Variants in LOXL4 observed in about 807,000 individuals in gnomAD.
LOXL4 encodes lysyl oxidase like 4.
Under a neutral mutation model 89.1 loss-of-function variants are expected in LOXL4, and 72 were observed. That is an observed-to-expected ratio of 0.81 (90% CI 0.67 to 0.98). LOXL4 has a LOEUF of 0.98. LOXL4 is among the 50% of genes least tolerant of loss of function. The probability of loss-of-function intolerance (pLI) is 0.00; values close to 1 mark genes in which losing one functional copy is unlikely to be tolerated. For synonymous variants in LOXL4, 355 were observed against 392.1 expected (o/e 0.91, Z 1.12); for missense variants, 984 against 1,017.5 (o/e 0.97, Z 0.45).
intron 5 of LOXL4, 71 bp downstream of exon 5, chr10:98,259,320 G>A: frequency 8.9e-6 from 14 of 1,571,756 alleles, no homozygotes; most frequent in African/African-American, 1.3e-5. Flanking sequence ...GGAAGGGGAG[G>A]GTAGGGGATG....
Position 98,259,402 on chromosome 10 carries a change from G to T in LOXL4, c.690C>A (p.Asp230Glu), listed in dbSNP as rs933743419. The T allele has an allele frequency of 4.3e-6, 7 of 1,613,172 alleles. No homozygotes were observed. Among genetic ancestry groups the T allele is most frequent in the South Asian group, 2.2e-5 (2 of 90,918 alleles). The change falls in exon 5 of 15, where the codon GAC (aspartate) becomes GAA (glutamate). Residue 230 changes from aspartate (D) to glutamate (E), a missense_variant. Asp to Glu is a conservative substitution (Grantham distance 45). Transcript: ENST00000260702. ...GTGCTGCTCCTCACCTAGACTTAGG[G>T]TCCCTCATCTTCAGATCCCAGACTT... Reference protein sequence around the residue: ...YRKVWDLKMRDPKSRLKSLTN... With the variant: ...YRKVWDLKMREPKSRLKSLTN...
chr10:98,259,465 G>A (rs1397123035), intron 4 of LOXL4, 36 bp from the exon 5 acceptor site: 2 of 1,600,792 alleles, frequency 1.2e-6, no homozygotes, highest in Admixed American at 1.7e-5. Context: ...GGTGGAAGGG[G>A]TGTGGAAGTC....
chr10:98,267,566 G>A (rs1858711909), intron 1 of LOXL4, among the ~76,000 whole-genome samples: 1 of 152,168 alleles, frequency 6.6e-6, no homozygotes, highest in South Asian at 2.1e-4. Context: ...CAGCCCTGTA[G>A]CCTCCCCGGG....
At chr10:98,249,569 TC>T (rs1331607614) in intron 14 of LOXL4, among the ~76,000 whole-genome samples, 1 of 152,212 alleles carries the variant, frequency 6.6e-6, no homozygotes, top group East Asian at 1.9e-4. Context: ...GTCTCAACAC[TC>T]CTTGTTTTCT....
In LOXL4 at chr10:98,251,156, A is replaced by G; in HGVS notation, c.2109T>C (p.Tyr703=). 1 of 1,613,556 alleles carries G rather than the reference A, an allele frequency of 6.2e-7. No individual in the cohort carries two copies. The highest frequency in any genetic ancestry group is 1.7e-5 in the Admixed American group (1 of 60,010). ...TGGAGAAATCTGACTCTGCCACTTC[A>G]TAGTGGGGGTTCACAATCACCTAGA... ...YIFQVIVNPH[Y]EVAESDFSNN... The change falls in exon 14 of 15, where the codon TAT becomes TAC. Residue 703 remains tyrosine (Y), a synonymous_variant. Transcript: ENST00000260702.
At chr10:98,249,036 T>C in intron 14 of LOXL4, 45 bp from the exon 15 acceptor site, 1 of 1,501,186 alleles carries the variant, frequency 6.7e-7, no homozygotes, top group Non-Finnish European at 9.2e-7. Flanking sequence ...CTTTCCAGTC[T>C]CATCCCTTCC....
At chr10:98,263,475 G>A (rs1466300464) in intron 1 of LOXL4, among the ~76,000 whole-genome samples, 4 of 150,890 alleles carry the variant, frequency 2.7e-5, no homozygotes, top group Non-Finnish European at 5.9e-5. Context: ...CACCATTTGA[G>A]TCACGGGGAT....
Position 98,257,667 on chromosome 10 carries a change from T to C in LOXL4, c.1243A>G (p.Met415Val). The change falls in exon 8 of 15, where the codon ATG becomes GTG. Residue 415 changes from methionine to valine, a missense_variant. Transcript: ENST00000260702. ...AAACTCACCTGATTCTGAAAGCCCA[T>C]GTTAGGGACATTGCACCTGACAGCA... ...DAAVRCNVPN[M>V]GFQNQVRLAG... The C allele has an allele frequency of 2.5e-6, 4 of 1,613,870 alleles. No individual in the cohort carries two copies. Among genetic ancestry groups the C allele is most frequent in the Non-Finnish European group, 3.4e-6 (4 of 1,179,898 alleles).
intron 10 of LOXL4, 72 bp from the exon 11 acceptor site, chr10:98,253,868 G>T: frequency 6.3e-7 from 1 of 1,588,598 alleles, no homozygotes; most frequent in South Asian, 1.1e-5. Flanking sequence ...CAGCACAGAG[G>T]GCAAGCTTGC....
chr10:98,250,847 G>A (rs1858170720), intron 14 of LOXL4, among the ~76,000 whole-genome samples: 1 of 152,248 alleles, frequency 6.6e-6, no homozygotes, highest in African/African-American at 2.4e-5. Flanking sequence ...AAACAGGGAT[G>A]TAGAAGATGT....
chr10:98,259,479 C>T (rs1858479389), intron 4 of LOXL4, 50 bp from the exon 5 acceptor site: 3 of 1,505,678 alleles, frequency 2.0e-6, no homozygotes, highest in Non-Finnish European at 2.8e-6. Flanking sequence ...GGAAGTCCCA[C>T]CCCCTGCCAC....
rs775838398 is a variant in LOXL4, at chr10:98,259,086, C to T, written c.844G>A (p.Ala282Thr). 8 of 1,594,912 alleles carry T rather than the reference C, an allele frequency of 5.0e-6. No homozygotes were observed. Among genetic ancestry groups the T allele is most frequent in the Non-Finnish European group, 6.8e-6 (8 of 1,170,258 alleles). The change falls in exon 6 of 15, where the codon GCT (alanine) becomes ACT (threonine). Residue 282 changes from alanine to threonine, a missense_variant. By Grantham distance (58) the Ala-to-Thr change is moderately conservative (BLOSUM62 0). Transcript: ENST00000260702. ...GGCCCTGCCACACAGCTGACCACAG[C>T]GTGCATGCCACCTGGGCAGGCTGGC... is the stretch of plus-strand genomic sequence containing the variant. ...LRPACPGGMH[A>T]VVSCVAGPHF...
Position 98,248,891 on chromosome 10 carries a change from G to T in LOXL4, c.*30C>A, listed in dbSNP as rs368762731. 1 of 1,591,764 alleles carries T rather than the reference G, an allele frequency of 6.3e-7. No individual in the cohort carries two copies. Among genetic ancestry groups the T allele is most frequent in the Admixed American group, 1.7e-5 (1 of 59,380 alleles). On this transcript the variant is annotated 3_prime_UTR_variant, in exon 15 of 15. Coordinates refer to ENST00000260702, the MANE Select transcript of LOXL4 (RefSeq NM_032211.7). ...AATAAGCTGAGGTATCTGGTGTATC[G>T]GCAGCAGCTAGGAGTGTGCAGTGAC...
rs971755697 is a variant in LOXL4, at chr10:98,251,166, T to G, written c.2099A>C (p.Asn700Thr). Residue 700 changes from asparagine to threonine, a missense_variant, in exon 14 of 15, where the codon AAC becomes ACC. Physicochemically the swap from Asn to Thr is moderately conservative, Grantham distance 65. Transcript: ENST00000260702. ...TGACTCTGCCACTTCATAGTGGGGG[T>G]TCACAATCACCTAGAGTGAAAGAGG... is the stretch of plus-strand genomic sequence containing the variant. ...PGNYIFQVIV[N>T]PHYEVAESDF... 1 of 1,612,670 alleles carries G rather than the reference T, an allele frequency of 6.2e-7. No individual in the cohort carries two copies. The highest frequency in any genetic ancestry group is 1.3e-5 in the African/African-American group (1 of 74,986).
At chr10:98,253,486 A>G (rs1203251915) in intron 11 of LOXL4, 67 bp downstream of exon 11, 1 of 1,605,844 alleles carries the variant, frequency 6.2e-7, no homozygotes, top group African/African-American at 1.3e-5. Context: ...GGGAAGGGCC[A>G]AACTGCTCCC....
At chr10:98,257,578 G>T in intron 8 of LOXL4, 72 bp downstream of exon 8, 1 of 1,528,862 alleles carries the variant, frequency 6.5e-7, no homozygotes, top group South Asian at 1.2e-5. Context: ...CCGCTAGCTC[G>T]ATGTGGTGTC....
Position 98,262,849 on chromosome 10 carries a change from C to CA in LOXL4, c.170dup (p.Cys58ValfsTer2). 1 of 1,613,772 alleles carries CA rather than the reference C, an allele frequency of 6.2e-7. No homozygotes were observed. Among genetic ancestry groups the CA allele is most frequent in the Non-Finnish European group, 8.5e-7 (1 of 1,180,044 alleles). On this transcript the variant is annotated frameshift_variant, in exon 2 of 15. Coordinates refer to ENST00000260702, the MANE Select transcript of LOXL4 (RefSeq NM_032211.7). LOFTEE classifies it high-confidence loss of function. Reference sequence around the variant, plus strand: ...CCTGGATAGCAAAGTTGTCATCACACACGGTGCCCCACTGGCCCTGGTGCA... The same window carrying CA: ...CCTGGATAGCAAAGTTGTCATCACACAACGGTGCCCCACTGGCCCTGGTGCA...
At chr10:98,263,915 T>G (rs904175493) in intron 1 of LOXL4, among the ~76,000 whole-genome samples, 1 of 151,854 alleles carries the variant, frequency 6.6e-6, no homozygotes, top group African/African-American at 2.4e-5. Context: ...GTATCTGTAG[T>G]AGAGACGGGG....
chr10:98,255,572 C>T lies in LOXL4; in HGVS notation c.1591+5G>A. The T allele has an allele frequency of 6.3e-7, 1 of 1,598,638 alleles. No individual in the cohort carries two copies. The highest frequency in any genetic ancestry group is 8.6e-7 in the Non-Finnish European group (1 of 1,167,486). ...CCCCAGCCCTGTGAGCCCTCCGTCA[C>T]TCACTGTCCATGCAGGAGACTCCAG... On this transcript the variant is annotated splice_donor_5th_base_variant and intron_variant, in intron 10 of 14. Coordinates refer to ENST00000260702, the MANE Select transcript of LOXL4 (RefSeq NM_032211.7).
Sources: allele counts gnomAD v4.1 joint callset (sites outside exome capture counted in the v4.1 genomes callset), GRCh38; gene constraint gnomAD v4.1.1; transcripts MANE v1.5; gene names NCBI Gene and HGNC (gene_info 2026-07-23, HGNC 2026-07-21).